The following TCF4 variants were observed in gnomAD, a reference collection of about 807,000 sequenced individuals.
TCF4 encodes the protein SL3-3 enhancer factor 2.
TCF4 carries 3 observed loss-of-function variants against 82.1 expected under a neutral mutation model. The observed-to-expected ratio is 0.04, with a 90% CI of 0.02 to 0.09. The LOEUF is 0.09. Among genes scored for constraint, TCF4 ranks in the 10% least tolerant of loss-of-function variants. The probability of loss-of-function intolerance (pLI) is 1.00; values close to 1 mark genes in which losing one functional copy is unlikely to be tolerated. For synonymous variants in TCF4, 276 were observed against 309.6 expected (o/e 0.89, Z 1.14); for missense variants, 518 against 852.7 (o/e 0.61, Z 4.89).
intron 5 of TCF4, chr18:55,404,045 A>C: frequency 8.8e-7 from 1 of 1,136,246 alleles, no homozygotes; most frequent in Non-Finnish European, 1.1e-6. Context: ...AGTGAACCCC[A>C]TCATGATCAA....
chr18:55,306,497 C>A (rs561873749), intron 8 of TCF4, among the ~76,000 whole-genome samples: 1 of 152,204 alleles, frequency 6.6e-6, no homozygotes, highest in South Asian at 2.1e-4. Context: ...TACATTAGTC[C>A]AAGAAAGGTC....
At chr18:55,350,285 C>T in intron 8 of TCF4, 74 bp downstream of exon 8, 1 of 1,494,460 alleles carries the variant, frequency 6.7e-7, no homozygotes, top group South Asian at 1.1e-5. Flanking sequence ...AACTCATTTA[C>T]TTCTATCTCC....
At chr18:55,309,865 G>C (rs912505572) in intron 8 of TCF4, among the ~76,000 whole-genome samples, 4 of 151,966 alleles carry the variant, frequency 2.6e-5, no homozygotes, top group African/African-American at 9.7e-5. Context: ...ATCAAAAAAA[G>C]GTCAATACTC....
intron 6 of TCF4, among the ~76,000 whole-genome samples, chr18:55,356,058 C>T (rs2083434486): frequency 1.3e-5 from 2 of 152,056 alleles, no homozygotes; most frequent in Admixed American, 6.6e-5. Flanking sequence ...AATAAGAGCT[C>T]TATCATAGGG....
chr18:55,461,898 C>T (rs1209645148), intron 4 of TCF4, among the ~76,000 whole-genome samples: 6 of 151,968 alleles, frequency 3.9e-5, no homozygotes, highest in East Asian at 1.9e-4. Context: ...AATTTGATAA[C>T]GCAATAGGAA....
At chr18:55,523,468 C>T (rs2096950596) in intron 3 of TCF4, among the ~76,000 whole-genome samples, 1 of 151,696 alleles carries the variant, frequency 6.6e-6, no homozygotes, top group African/African-American at 2.4e-5. Flanking sequence ...AAATATATAA[C>T]AATAAGTATG....
intron 8 of TCF4, among the ~76,000 whole-genome samples, chr18:55,346,984 G>A (rs2081312156): frequency 6.6e-6 from 1 of 152,088 alleles, no homozygotes; most frequent in African/African-American, 2.4e-5. Context: ...ATGATTCAAT[G>A]TGTATGATTA....
intron 5 of TCF4, among the ~76,000 whole-genome samples, chr18:55,419,079 G>C (rs756913814): frequency 2.6e-5 from 4 of 152,042 alleles, no homozygotes; most frequent in African/African-American, 4.8e-5. Flanking sequence ...CTGATCCGAG[G>C]GGCTTTTAAG....
intron 6 of TCF4, among the ~76,000 whole-genome samples, chr18:55,377,866 C>T (rs1431427489): frequency 6.6e-6 from 1 of 152,142 alleles, no homozygotes; most frequent in Non-Finnish European, 1.5e-5. Flanking sequence ...TGAATCTTTG[C>T]CACCATTAAC....
intron 10 of TCF4, among the ~76,000 whole-genome samples, chr18:55,271,734 C>T (rs531691806): frequency 1.3e-5 from 2 of 152,192 alleles, no homozygotes; most frequent in Admixed American, 6.5e-5. Flanking sequence ...CCAAGGTAGT[C>T]CATGGAATTT....
intron 6 of TCF4, among the ~76,000 whole-genome samples, chr18:55,377,807 C>T (rs549699956): frequency 6.6e-6 from 1 of 152,228 alleles, no homozygotes; most frequent in African/African-American, 2.4e-5. Context: ...CAATTCTATA[C>T]TGTGTTGAAC....
rs909775068 is a variant in TCF4, at chr18:55,579,440, T to A, written c.145+5840A>T. On this transcript the variant is annotated intron_variant, in intron 3 of 19. Transcript: ENST00000354452. ...AGAACAAACACCTGGCCATAAAAAA[T>A]AGCTCATAAAATACAAAAAAAAAAA... 7.4e-5 allele frequency among the ~76,000 whole-genome samples: 9 copies of A among 121,014 alleles called. No homozygotes were observed. The East Asian group carries it at 1.2e-3, about 17-fold the overall frequency. The allele number at this position is 121,014 out of a possible 152,430, so 79.4% of individuals were successfully genotyped here. A position where few individuals can be genotyped will look rare whatever the true frequency, so the allele number is the denominator to read the frequency against.
chr18:55,287,954 C>T (rs1421327700), intron 8 of TCF4, among the ~76,000 whole-genome samples: 2 of 151,950 alleles, frequency 1.3e-5, no homozygotes, highest in African/African-American at 4.8e-5. Context: ...GGAAAAAAAA[C>T]CCTGCTTCAA....
Position 55,370,470 on chromosome 18 carries a change from T to TAGAC in TCF4, c.370-19468_370-19467insGTCT, listed in dbSNP as rs1272104555. On this transcript the variant is annotated intron_variant, in intron 6 of 19. Coordinates refer to ENST00000354452, the MANE Select transcript of TCF4 (RefSeq NM_001083962.2). ...ATAGATAGATAGATAGATAGATAGA[T>TAGAC]AGATAGACAGACATATAGACAGATA... is the stretch of plus-strand genomic sequence containing the variant. 2.0e-3 allele frequency among the ~76,000 whole-genome samples: 297 copies of TAGAC among 150,456 alleles called. 2 individuals carry two copies. Among genetic ancestry groups the TAGAC allele is most frequent in the African/African-American group, 7.0e-3 (286 of 40,628 alleles).
At chr18:55,321,450 ATT>A in intron 8 of TCF4, 1 of 684,238 alleles carries the variant, frequency 1.5e-6, no homozygotes, top group South Asian at 1.8e-5. Context: ...GAAAGCATCT[ATT>A]TTTCTACTCT....
Position 55,493,968 on chromosome 18 carries a change from C to T in TCF4, c.146-29831G>A, listed in dbSNP as rs76148398. On this transcript the variant is annotated intron_variant, in intron 3 of 19. Transcript: ENST00000354452. ...AATGTGAGGTGGTGAAACCAACAGA[C>T]TTAGAAGATTGAAAAATATTGGACT... Among the ~76,000 whole-genome samples the T allele has an allele frequency of 9.9e-5, 15 of 152,192 alleles. No individual in the cohort carries two copies. The East Asian group carries it at 2.9e-3, about 29-fold the overall frequency.
chr18:55,367,862 A>G (rs981742794), intron 6 of TCF4, among the ~76,000 whole-genome samples: 3 of 152,266 alleles, frequency 2.0e-5, no homozygotes, highest in African/African-American at 7.2e-5. Context: ...AGGGAGAAGA[A>G]GCTTCATTAA....
intron 8 of TCF4, among the ~76,000 whole-genome samples, chr18:55,286,264 ATTCT>A (rs10701336): frequency 6.7e-6 from 1 of 148,592 alleles, no homozygotes; most frequent in East Asian, 2.0e-4. Flanking sequence ...TCTATTCTAT[ATTCT>A]TTGTTTTTAG....
chr18:55,463,977 T>TGTGTGA lies in TCF4; in HGVS notation c.207+98_207+99insTCACAC, dbSNP rs867214369. 3,306 of 300,150 alleles carry TGTGTGA rather than the reference T, an allele frequency of 0.011. 16 individuals carry two copies. The highest frequency in any genetic ancestry group is 0.045 in the African/African-American group (1,222 of 27,174). The allele number at this position is 300,150 out of a possible 1,614,324, so 18.6% of individuals were successfully genotyped here. A position where few individuals can be genotyped will look rare whatever the true frequency, so the allele number is the denominator to read the frequency against. On this transcript the variant is annotated intron_variant, in intron 4 of 19. Transcript: ENST00000354452. ...GTGTGTGTGTGTGTGTGTGTGTGTG[T>TGTGTGA]GAGAGAGAGAGAGAGAGAGAGAGAG... is the stretch of plus-strand genomic sequence containing the variant.
Sources: gnomAD v4.1 joint callset for allele counts (sites outside exome capture counted in the v4.1 genomes callset) on GRCh38, gnomAD v4.1.1 for gene constraint, MANE v1.5 for transcripts, NCBI Gene and HGNC (gene_info 2026-07-23, HGNC 2026-07-21) for gene names.